Variants in ZNF354B observed in about 807,000 individuals in gnomAD.
ZNF354B encodes the protein zinc finger protein 354B.
Under a neutral mutation model 12.9 loss-of-function variants are expected in ZNF354B, and 10 were observed. That is an observed-to-expected ratio of 0.77 (90% CI 0.48 to 1.31). The LOEUF (loss-of-function observed/expected upper bound fraction) is 1.31. ZNF354B is among the 40% of genes most tolerant of loss of function. ZNF354B has a pLI of 0.00. For missense variants in ZNF354B, 614 were observed against 711.7 expected (o/e 0.86, Z 1.56); for synonymous variants, 260 against 243.7 (o/e 1.07, Z -0.62).
intron 4 of ZNF354B, among the ~76,000 whole-genome samples, chr5:178,870,663 T>G (rs1757548763): frequency 6.6e-6 from 1 of 152,186 alleles, no homozygotes; most frequent in Admixed American, 6.5e-5. Context: ...TCAGCAAGGT[T>G]TGCTGAAGCA....
intron 4 of ZNF354B, among the ~76,000 whole-genome samples, chr5:178,869,718 C>T (rs1265646119): frequency 6.6e-6 from 1 of 151,904 alleles, no homozygotes; most frequent in Non-Finnish European, 1.5e-5. Context: ...GATGGCCCTG[C>T]GGGAAAACCC....
Position 178,883,961 on chromosome 5 carries a change from C to T in ZNF354B, c.1509C>T (p.Phe503=). 1 of 1,614,112 alleles carries T rather than the reference C, an allele frequency of 6.2e-7. No individual in the cohort carries two copies. Among genetic ancestry groups the T allele is most frequent in the Non-Finnish European group, 8.5e-7 (1 of 1,179,996 alleles). ...AGTGTAACGAATGTGACAAAACATT[C>T]AGGTGTAACTCATCGCTTAGTAATC... The part of the protein sequence containing the change: ...PYKCNECDKT[F]RCNSSLSNHQ... Residue 503 remains phenylalanine, a synonymous_variant, in exon 5 of 5, where the codon TTC becomes TTT. Transcript: ENST00000322434.
intron 4 of ZNF354B, among the ~76,000 whole-genome samples, chr5:178,870,017 A>G (rs1206228104): frequency 2.0e-5 from 3 of 151,952 alleles, no homozygotes; most frequent in Non-Finnish European, 4.4e-5. Context: ...TCGAACCAAA[A>G]ACTCAACCTG....
At position 178,883,031 on chromosome 5, in the gene ZNF354B, T is replaced by C. The variant is rs1336550671; in HGVS notation, c.579T>C (p.Asn193=). The change falls in exon 5 of 5, where the codon AAT becomes AAC. Residue 193 remains asparagine, a synonymous_variant. Transcript: ENST00000322434. ...CATCAAAATGTGAAATACAAAGAAA[T>C]AGTTTCAAGCAGAATTCAAATTTAC... ...KTPSKCEIQR[N]SFKQNSNLLN... is the part of the protein sequence containing the mutation. 1.2e-6 allele frequency: 2 copies of C among 1,608,404 alleles called. No homozygotes were observed. Among genetic ancestry groups the C allele is most frequent in the Non-Finnish European group, 1.7e-6 (2 of 1,178,754 alleles).
At chr5:178,879,377 T>G (rs1757685627) in intron 4 of ZNF354B, among the ~76,000 whole-genome samples, 1 of 144,226 alleles carries the variant, frequency 6.9e-6, no homozygotes, top group Non-Finnish European at 1.5e-5. Context: ...GAAACCAGAG[T>G]TGTTTTTGTT....
intron 2 of ZNF354B, among the ~76,000 whole-genome samples, chr5:178,866,000 G>A (rs75433776): frequency 6.6e-6 from 1 of 151,518 alleles, no homozygotes. Context: ...CTAATTAAGG[G>A]TCCCACTAAT....
At chr5:178,880,831 A>ATTTTTTTTT (rs56013359) in intron 4 of ZNF354B, among the ~76,000 whole-genome samples, 12 of 76,182 alleles carry the variant, frequency 1.6e-4, no homozygotes, top group Non-Finnish European at 2.8e-4. Context: ...ACTCATGGTC[A>ATTTTTTTTT]TTTTTTTTTT....
At chr5:178,863,824 A>C (rs572684484) in intron 2 of ZNF354B, among the ~76,000 whole-genome samples, 17 of 152,278 alleles carry the variant, frequency 1.1e-4, no homozygotes, top group African/African-American at 4.1e-4. Flanking sequence ...GGCCTAGACT[A>C]ATGTGCATAT....
At chr5:178,876,906 T>C (rs1271664676) in intron 4 of ZNF354B, among the ~76,000 whole-genome samples, 4 of 150,144 alleles carry the variant, frequency 2.7e-5, no homozygotes, top group East Asian at 3.9e-4. Context: ...GACTGAACCA[T>C]ACTTTCCTAT....
At position 178,866,314 on chromosome 5, in the gene ZNF354B, A is replaced by C. The variant is rs1561666476; in HGVS notation, c.104A>C (p.Gln35Pro). 6.2e-7 allele frequency: 1 copy of C among 1,614,128 alleles called. No individual in the cohort carries two copies. Among genetic ancestry groups the C allele is most frequent in the Non-Finnish European group, 8.5e-7 (1 of 1,180,014 alleles). ...WDEWRKLAPS[Q>P]RNLYRDVMLE... ...GAGTGGAGAAAGCTGGCTCCTTCTCAGAGAAACTTGTACCGGGATGTGATG... is the reference window on the plus strand; with the variant it reads ...GAGTGGAGAAAGCTGGCTCCTTCTCCGAGAAACTTGTACCGGGATGTGATG... Residue 35 changes from glutamine (Q) to proline (P), a missense_variant, in exon 3 of 5, where the codon CAG becomes CCG. By Grantham distance (76) the Gln-to-Pro change is moderately conservative. Transcript: ENST00000322434.
chr5:178,882,573 T>C (rs1294772296), intron 4 of ZNF354B, 136 bp from the exon 5 acceptor site: 2 of 775,748 alleles, frequency 2.6e-6, no homozygotes, highest in Non-Finnish European at 3.8e-6. Flanking sequence ...TTATTTTATA[T>C]AGTGTTTTTT....
At chr5:178,864,626 T>A (rs59736551) in intron 2 of ZNF354B, among the ~76,000 whole-genome samples, 22,289 of 148,308 alleles carry the variant, frequency 0.15, 1,985 homozygotes, top group African/African-American at 0.25. Flanking sequence ...ATGTAGAAAT[T>A]TTTTTTTTTT....
intron 2 of ZNF354B, among the ~76,000 whole-genome samples, chr5:178,864,065 T>A (rs58354049): frequency 0.15 from 22,190 of 152,036 alleles, 1,953 homozygotes; most frequent in African/African-American, 0.25. Flanking sequence ...AAGAAAACTT[T>A]AAAAAAATAA....
chr5:178,882,741 A>G lies in ZNF354B; in HGVS notation c.289A>G (p.Thr97Ala), dbSNP rs372827249. Residue 97 changes from threonine (T) to alanine (A), a missense_variant, in exon 5 of 5, where the codon ACT (threonine) becomes GCT (alanine). Physicochemically the swap from Thr to Ala is moderately conservative, Grantham distance 58. Coordinates refer to ENST00000322434, the MANE Select transcript of ZNF354B (RefSeq NM_058230.3). ...GAGCACACCTAAAATGACAAAGTCA[A>G]CTCAAACTCAGGATTCATTTCAGGA... ...CKSTPKMTKS[T>A]QTQDSFQEQI... 97 of 1,572,628 alleles carry G rather than the reference A, an allele frequency of 6.2e-5. No homozygotes were observed. In the East Asian group the frequency reaches 9.0e-4, roughly 15 times the overall value.
At chr5:178,864,507 A>G (rs1757414576) in intron 2 of ZNF354B, among the ~76,000 whole-genome samples, 1 of 152,132 alleles carries the variant, frequency 6.6e-6, no homozygotes, top group South Asian at 2.1e-4. Context: ...ACGACTGTGT[A>G]CTCTATATAT....
chr5:178,873,397 G>T (rs1381418011), intron 4 of ZNF354B, among the ~76,000 whole-genome samples: 2 of 152,122 alleles, frequency 1.3e-5, no homozygotes, highest in Non-Finnish European at 2.9e-5. Context: ...TTTCTGCCAT[G>T]TTCTTCTAGA....
chr5:178,862,818 C>A (rs535019607), intron 2 of ZNF354B, among the ~76,000 whole-genome samples: 1 of 152,218 alleles, frequency 6.6e-6, no homozygotes, highest in Admixed American at 6.5e-5. Context: ...AGAACCTTCT[C>A]CATCCCTGTG....
Position 178,883,739 on chromosome 5 carries a change from A to C in ZNF354B, c.1287A>C (p.Arg429=). The C allele has an allele frequency of 6.2e-7, 1 of 1,614,170 alleles. No individual in the cohort carries two copies. Reference sequence around the variant, plus strand: ...CTATTTCACGACTTAATAGACACCGAATAATTCATACTGGAGAGAAATTGT... The same window carrying C: ...CTATTTCACGACTTAATAGACACCGCATAATTCATACTGGAGAGAAATTGT... The part of the protein sequence containing the change: ...FTSISRLNRH[R]IIHTGEKLYN... The change falls in exon 5 of 5, where the codon CGA becomes CGC. Residue 429 remains arginine (R), a synonymous_variant. Transcript: ENST00000322434.
At chr5:178,861,540 C>T (rs1757348140) in intron 2 of ZNF354B, among the ~76,000 whole-genome samples, 1 of 152,170 alleles carries the variant, frequency 6.6e-6, no homozygotes, top group Admixed American at 6.5e-5. Context: ...ATATTCTTTG[C>T]TTGTATCACT....
Sources: gnomAD v4.1 joint callset for allele counts (sites outside exome capture counted in the v4.1 genomes callset) on GRCh38, gnomAD v4.1.1 for gene constraint, MANE v1.5 for transcripts, NCBI Gene and HGNC (gene_info 2026-07-23, HGNC 2026-07-21) for gene names.